Variants in LNX1 observed in about 807,000 individuals in gnomAD.
The protein encoded by LNX1 is E3 ubiquitin-protein ligase LNX.
LNX1 carries 54 observed loss-of-function variants against 68.4 expected under a neutral mutation model. The ratio of observed to expected loss-of-function variants is 0.79; its 90% CI spans 0.63 to 0.99. LNX1 has a LOEUF of 0.99. LNX1 is among the 50% of genes least tolerant of loss of function. The pLI is 0.00. For missense variants in LNX1, 906 were observed against 926.4 expected, an observed-to-expected ratio of 0.98 and a Z score of 0.29; for synonymous variants, 336 against 350.0, an observed-to-expected ratio of 0.96 and a Z score of 0.45.
chr4:53,650,988 C>T (rs1027775344), intron 1 of LNX1, among the ~76,000 whole-genome samples: 7 of 152,252 alleles, frequency 4.6e-5, no homozygotes, highest in East Asian at 1.9e-4. Context: ...CTGAAGACAA[C>T]GCTATGAGGG....
At chr4:53,618,699 G>T (rs544319312), upstream of LNX1, among the ~76,000 whole-genome samples, 333 of 152,178 alleles carry the variant, frequency 2.2e-3, 2 homozygotes, top group African/African-American at 7.5e-3. Flanking sequence ...ACATACAGAG[G>T]TTTAAATTTT....
intron 1 of LNX1, among the ~76,000 whole-genome samples, chr4:53,639,490 T>A (rs1324978784): frequency 6.6e-6 from 1 of 152,220 alleles, no homozygotes; most frequent in Non-Finnish European, 1.5e-5. Context: ...ATTAAAAATG[T>A]TAATATCCCA....
chr4:53,610,893 C>G (rs1733467018), intron 2 of LNX1, among the ~76,000 whole-genome samples: 1 of 151,598 alleles, frequency 6.6e-6, no homozygotes. Flanking sequence ...CTATACATGT[C>G]TATAACAAGT....
At chr4:53,576,089 T>G in intron 1 of LNX1, 1 of 1,549,938 alleles carries the variant, frequency 6.5e-7, no homozygotes, top group Non-Finnish European at 8.7e-7. Context: ...GTCGGGGACT[T>G]GGCCAGCGTG....
chr4:53,567,410 A>C, intron 2 of LNX1, among the ~76,000 whole-genome samples: 1 of 151,360 alleles, frequency 6.6e-6, no homozygotes, highest in Admixed American at 6.6e-5. Context: ...GTACATAACG[A>C]AATGAAGGCA....
intron 2 of LNX1, among the ~76,000 whole-genome samples, chr4:53,529,831 C>A (rs1247774069): frequency 1.3e-5 from 2 of 152,140 alleles, no homozygotes; most frequent in African/African-American, 4.8e-5. Flanking sequence ...CAATCAGAGC[C>A]ACAGGAAATG....
intron 2 of LNX1, 96 bp from the exon 3 acceptor site, chr4:53,508,323 G>A: frequency 1.4e-6 from 2 of 1,460,340 alleles, no homozygotes; most frequent in Non-Finnish European, 1.8e-6. Flanking sequence ...ATGTATAATA[G>A]GCTTGTTGAA....
At chr4:53,624,494 T>A (rs1734003667) in intron 1 of LNX1, among the ~76,000 whole-genome samples, 1 of 152,256 alleles carries the variant, frequency 6.6e-6, no homozygotes, top group Admixed American at 6.5e-5. Context: ...CATGCAACTG[T>A]GAGTCCATTA....
chr4:53,565,442 C>A (rs1190421721), intron 2 of LNX1, among the ~76,000 whole-genome samples: 1 of 150,916 alleles, frequency 6.6e-6, no homozygotes, highest in Admixed American at 6.6e-5. Flanking sequence ...AGGGTCCTGT[C>A]TGTTAGAAGG....
rs139704869 is a variant in LNX1, at chr4:53,583,061, TG to T, written c.-87+8326del. 3.8e-3 allele frequency among the ~76,000 whole-genome samples: 577 copies of T among 152,350 alleles called. 5 individuals carry two copies. The highest frequency in any genetic ancestry group is 0.013 in the African/African-American group (553 of 41,580). ...AAAGTTAGGGCAAAGTCTATCTTTC[TG>T]TATTAAACAAAGTAAATGTACAATT... is the stretch of plus-strand genomic sequence containing the variant. On this transcript the variant is annotated intron_variant, in intron 1 of 10. Transcript: ENST00000263925.
At chr4:53,472,715 A>T (rs2150574053) in intron 9 of LNX1, among the ~76,000 whole-genome samples, 1 of 147,338 alleles carries the variant, frequency 6.8e-6, no homozygotes, top group East Asian at 2.0e-4. Flanking sequence ...AACAATGGGG[A>T]AGTAAAGGAC....
intron 1 of LNX1, among the ~76,000 whole-genome samples, chr4:53,650,399 G>A (rs150443773): frequency 6.6e-6 from 1 of 152,234 alleles, no homozygotes; most frequent in Non-Finnish European, 1.5e-5. Context: ...TGGTCATGAT[G>A]GCAGTTGATG....
At chr4:53,540,305 C>T (rs1418612712) in intron 2 of LNX1, among the ~76,000 whole-genome samples, 1 of 152,100 alleles carries the variant, frequency 6.6e-6, no homozygotes, top group Non-Finnish European at 1.5e-5. Flanking sequence ...ATGGCTTGAG[C>T]CCGAGTGGTT....
At chr4:53,598,005 A>C (rs1011437710) in intron 2 of LNX1, among the ~76,000 whole-genome samples, 1 of 152,162 alleles carries the variant, frequency 6.6e-6, no homozygotes, top group Non-Finnish European at 1.5e-5. Flanking sequence ...AACTAACTAC[A>C]AACAGGTGAA....
rs1212831483 is a variant in LNX1 at position 53,573,203 on chromosome 4, C to G, written c.380+420G>C. 4.6e-5 allele frequency among the ~76,000 whole-genome samples: 7 copies of G among 151,982 alleles called. No homozygotes were observed. In the East Asian group the frequency reaches 1.4e-3, roughly 29 times the overall value. On this transcript the variant is annotated intron_variant, in intron 2 of 10. Transcript: ENST00000263925. ...CTTAGAGCAGTCATATCCATGGAGA[C>G]AAAAAGTGGAATGGTGGCTGCCAGG...
chr4:53,512,486 T>TTGTGTGTG lies in LNX1; in HGVS notation c.381-4267_381-4260dup, dbSNP rs71662236. Among the ~76,000 whole-genome samples, 44 of 32,902 alleles carry TTGTGTGTG rather than the reference T, an allele frequency of 1.3e-3. No homozygotes were observed. In the Middle Eastern group the frequency reaches 0.079, roughly 59 times the overall value. 21.6% of individuals were successfully genotyped at this position (32,902 alleles called of 152,430 possible). A position where few individuals can be genotyped will look rare whatever the true frequency, so the allele number is the denominator to read the frequency against. On this transcript the variant is annotated intron_variant, in intron 2 of 10. Coordinates refer to ENST00000263925, the MANE Select transcript of LNX1 (RefSeq NM_001126328.3). The stretch of plus-strand genomic sequence containing the variant: ...TCCAGTCTTCCTCCCTACCCAGTGT[T>TTGTGTGTG]TGTGTGTGTGTGTGTGTGTGTGTGT...
chr4:53,649,332 A>G (rs1341008250), intron 1 of LNX1, among the ~76,000 whole-genome samples: 1 of 152,212 alleles, frequency 6.6e-6, no homozygotes, highest in Non-Finnish European at 1.5e-5. Context: ...TTTACATGTC[A>G]ATCCCACAAG....
At chr4:53,509,467 G>A (rs1400333618) in intron 2 of LNX1, among the ~76,000 whole-genome samples, 3 of 152,166 alleles carry the variant, frequency 2.0e-5, no homozygotes, top group African/African-American at 4.8e-5. Flanking sequence ...AAGATGGAAG[G>A]TCCTATTGTC....
chr4:53,556,670 G>C (rs1019492732), intron 2 of LNX1, among the ~76,000 whole-genome samples: 4 of 152,168 alleles, frequency 2.6e-5, no homozygotes, highest in African/African-American at 7.2e-5. Flanking sequence ...ACTTTCTCTT[G>C]GATCCTGGAG....
Sources: allele counts gnomAD v4.1 joint callset (sites outside exome capture counted in the v4.1 genomes callset), GRCh38; gene constraint gnomAD v4.1.1; transcripts MANE v1.5; gene names NCBI Gene and HGNC (gene_info 2026-07-23, HGNC 2026-07-21).